The following EPG5 variants were observed in gnomAD, a reference collection of about 807,000 sequenced individuals.
EPG5 encodes the protein ectopic P granules protein 5 homolog.
Under a neutral mutation model 302.7 loss-of-function variants are expected in EPG5, and 159 were observed. That is an observed-to-expected ratio of 0.53 (90% confidence interval 0.46 to 0.60). The LOEUF is 0.60. Among genes scored for constraint, EPG5 ranks in the 20% least tolerant of loss-of-function variants. The pLI is 0.00. For missense variants in EPG5, 2,896 were observed against 3,092.4 expected, an observed-to-expected ratio of 0.94 and a Z score of 1.51; for synonymous variants, 1,158 against 1,136.8, an observed-to-expected ratio of 1.02 and a Z score of -0.37.
chr18:45,815,093 ATC>A, the EPG5 span, among the ~76,000 whole-genome samples: 8 of 152,142 alleles, frequency 5.3e-5, no homozygotes, highest in Admixed American at 5.2e-4. Flanking sequence ...GCTAGATGAG[ATC>A]TGTTACTAGC....
chr18:45,930,605 C>T (rs770003948), intron 12 of EPG5, 71 bp downstream of exon 12: 20 of 1,333,964 alleles, frequency 1.5e-5, no homozygotes, highest in Non-Finnish European at 1.8e-5. Context: ...AAGCAATCCC[C>T]CAAAAAATCA....
At chr18:45,956,469 T>TTTTTC (rs1555682007) in intron 1 of EPG5, among the ~76,000 whole-genome samples, 1 of 151,960 alleles carries the variant, frequency 6.6e-6, no homozygotes, top group Non-Finnish European at 1.5e-5. Flanking sequence ...TTATTTTTTT[T>TTTTTC]TTTTTGAGAC....
chr18:45,900,920 A>C, intron 26 of EPG5, 76 bp downstream of exon 26: 2 of 1,501,432 alleles, frequency 1.3e-6, no homozygotes, highest in Non-Finnish European at 1.8e-6. Context: ...CAAGGAAGCC[A>C]CTCCAGGTAG....
intron 16 of EPG5, 64 bp downstream of exon 16, chr18:45,922,277 A>G (rs928288569): frequency 6.4e-7 from 1 of 1,567,248 alleles, no homozygotes; most frequent in Non-Finnish European, 8.7e-7. Flanking sequence ...TGGGATATGA[A>G]ACATAAAATT....
chr18:45,962,133 G>A (rs2051162125), intron 1 of EPG5, among the ~76,000 whole-genome samples: 1 of 152,130 alleles, frequency 6.6e-6, no homozygotes, highest in Non-Finnish European at 1.5e-5. Context: ...ATCAATGAGT[G>A]TTTGTTTAAT....
intron 31 of EPG5, among the ~76,000 whole-genome samples, chr18:45,881,917 A>C (rs2049106847): frequency 6.6e-6 from 1 of 152,156 alleles, no homozygotes; most frequent in African/African-American, 2.4e-5. Flanking sequence ...ATAAGGCACA[A>C]CCTCCTTGCT....
the EPG5 span, chr18:45,839,026 G>A: frequency 6.3e-7 from 1 of 1,575,580 alleles, no homozygotes; most frequent in Non-Finnish European, 8.6e-7. Context: ...CCTCCTGCTC[G>A]GCGCTCTCGG....
intron 14 of EPG5, among the ~76,000 whole-genome samples, chr18:45,923,854 C>G (rs1462576206): frequency 6.6e-6 from 1 of 152,014 alleles, no homozygotes; most frequent in Non-Finnish European, 1.5e-5. Flanking sequence ...CATGGTGAAA[C>G]CTTGTCTCTA....
intron 9 of EPG5, among the ~76,000 whole-genome samples, chr18:45,942,599 T>C (rs936375383): frequency 6.6e-6 from 1 of 151,914 alleles, no homozygotes; most frequent in African/African-American, 2.4e-5. Context: ...GCGAGACTCA[T>C]CTCAAAAAAA....
intron 39 of EPG5, among the ~76,000 whole-genome samples, chr18:45,863,810 T>C (rs572662585): frequency 6.6e-6 from 1 of 152,210 alleles, no homozygotes; most frequent in African/African-American, 2.4e-5. Flanking sequence ...CCTTCCTGGA[T>C]GTAAAGGGTT....
At chr18:45,940,778 T>G in intron 9 of EPG5, among the ~76,000 whole-genome samples, 1 of 152,092 alleles carries the variant, frequency 6.6e-6, no homozygotes, top group South Asian at 2.1e-4. Flanking sequence ...GATGATAAAA[T>G]TTGCAGTTAG....
intron 33 of EPG5, 36 bp from the exon 34 acceptor site, chr18:45,878,484 T>C: frequency 7.4e-7 from 1 of 1,347,272 alleles, no homozygotes; most frequent in Admixed American, 1.7e-5. Context: ...AGGTCATCAT[T>C]TGTCATTTGT....
chr18:45,919,129 G>A (rs2050094372), intron 16 of EPG5, among the ~76,000 whole-genome samples: 1 of 152,050 alleles, frequency 6.6e-6, no homozygotes, highest in African/African-American at 2.4e-5. Flanking sequence ...AAATATTCTG[G>A]GTGATTTTCT....
At chr18:45,840,487 G>A in the EPG5 span, among the ~76,000 whole-genome samples, 200 of 152,266 alleles carry the variant, frequency 1.3e-3, no homozygotes, top group African/African-American at 4.6e-3. Flanking sequence ...GTTTCTTCCT[G>A]TAGTTTCCCC....
intron 36 of EPG5, 179 bp from the exon 37 acceptor site, chr18:45,867,927 G>C: frequency 1.5e-6 from 1 of 687,126 alleles, no homozygotes; most frequent in Non-Finnish European, 2.7e-6. Context: ...TCCTTCCACA[G>C]TGTATGTGTG....
intron 10 of EPG5, among the ~76,000 whole-genome samples, chr18:45,937,235 T>TATACAC (rs1485101696): frequency 7.3e-6 from 1 of 136,822 alleles, no homozygotes; most frequent in Non-Finnish European, 1.6e-5. Context: ...TACATATATA[T>TATACAC]ACACACACAC....
At chr18:45,808,338 T>C in the EPG5 span, among the ~76,000 whole-genome samples, 2 of 152,190 alleles carry the variant, frequency 1.3e-5, no homozygotes, top group African/African-American at 2.4e-5. Flanking sequence ...TCCCCAGACT[T>C]GCTAGAGATC....
rs887522742 is a variant in EPG5, at chr18:45,913,695, G to C, written c.3816+11C>G. ...CCTTCTACCACTCAAATGCAGAACT[G>C]CTATTTGTACCTTCAGAGCTTGGTC... On this transcript the variant is annotated intron_variant, in intron 21 of 43. Coordinates refer to ENST00000282041, the MANE Select transcript of EPG5 (RefSeq NM_020964.3). 5 of 1,613,652 alleles carry C rather than the reference G, an allele frequency of 3.1e-6. No individual in the cohort carries two copies. In the South Asian group the frequency reaches 3.3e-5, roughly 11 times the overall value.
chr18:45,903,869 A>G (rs991457572), intron 25 of EPG5, 104 bp downstream of exon 25: 78 of 1,227,344 alleles, frequency 6.4e-5, no homozygotes, highest in Non-Finnish European at 8.6e-5. Context: ...CACCAGAGGA[A>G]AAATGAACAC....
Sources: allele counts gnomAD v4.1 joint callset (sites outside exome capture counted in the v4.1 genomes callset), GRCh38; gene constraint gnomAD v4.1.1; transcripts MANE v1.5; gene names NCBI Gene and HGNC (gene_info 2026-07-23, HGNC 2026-07-21).